The following SNX29 variants were observed in gnomAD, a reference collection of about 807,000 sequenced individuals.
SNX29 encodes the protein sorting nexin 29.
A neutral mutation model predicts 102.1 loss-of-function variants in SNX29; 78 were observed. The ratio of observed to expected loss-of-function variants is 0.76; its 90% CI spans 0.64 to 0.92. The LOEUF is 0.92. Ranked by LOEUF, SNX29 falls within the 40% of genes least tolerant of loss-of-function variation. The pLI is 0.00. For missense variants in SNX29, 1,280 were observed against 1,061.7 expected (o/e 1.21, Z -2.86); for synonymous variants, 580 against 414.5 (o/e 1.40, Z -4.85).
intron 20 of SNX29, among the ~76,000 whole-genome samples, chr16:12,548,887 C>G (rs374549352): frequency 1.3e-5 from 2 of 152,232 alleles, no homozygotes; most frequent in Non-Finnish European, 2.9e-5. Context: ...GAACCCTACA[C>G]ATAGCAGCAC....
At chr16:12,525,703 C>CT (rs1191051878) in intron 20 of SNX29, among the ~76,000 whole-genome samples, 1 of 127,926 alleles carries the variant, frequency 7.8e-6, no homozygotes, top group Non-Finnish European at 1.7e-5. Context: ...CCCCCACCCC[C>CT]CCCCCCAAAA....
chr16:12,566,026 C>T (rs1402891191), intron 20 of SNX29, among the ~76,000 whole-genome samples: 3 of 152,222 alleles, frequency 2.0e-5, no homozygotes, highest in African/African-American at 7.2e-5. Context: ...ATGGTGGTGA[C>T]ACAGGTCATG....
Position 12,098,010 on chromosome 16 carries a change from G to A in SNX29, c.1402+19095G>A, listed in dbSNP as rs1272058404. On this transcript the variant is annotated intron_variant, in intron 11 of 20. Transcript: ENST00000566228. The surrounding 1 kb of genome is among the most constrained non-coding windows in gnomAD (Gnocchi z 6.0). ...CTGCAGTCCCACATGAAGGGCTCAC[G>A]TCCTGGCTTTGCCATTTACTTTGTC... Among the ~76,000 whole-genome samples, 3 of 152,244 alleles carry A rather than the reference G, an allele frequency of 2.0e-5. No homozygotes were observed. Among genetic ancestry groups the A allele is most frequent in the African/African-American group, 4.8e-5 (2 of 41,470 alleles).
chr16:12,410,810 T>G (rs1358374051), intron 18 of SNX29, among the ~76,000 whole-genome samples: 1 of 152,210 alleles, frequency 6.6e-6, no homozygotes, highest in Non-Finnish European at 1.5e-5. Context: ...TATTTTTATA[T>G]TAATAATAGA....
At chr16:12,529,199 A>G (rs115777388) in intron 20 of SNX29, among the ~76,000 whole-genome samples, 65 of 152,140 alleles carry the variant, frequency 4.3e-4, no homozygotes, top group African/African-American at 1.5e-3. Flanking sequence ...TTTCTTTTCT[A>G]TTTTGAACTC....
intron 12 of SNX29, 64 bp from the exon 13 acceptor site, chr16:12,129,566 G>A (rs1336718170): frequency 1.3e-6 from 2 of 1,528,378 alleles, no homozygotes; most frequent in African/African-American, 1.4e-5. Flanking sequence ...GTTAGGAACT[G>A]TGTCCTGGGC....
At chr16:12,529,358 G>A (rs777118055) in intron 20 of SNX29, among the ~76,000 whole-genome samples, 3 of 152,162 alleles carry the variant, frequency 2.0e-5, no homozygotes, top group Non-Finnish European at 2.9e-5. Context: ...ACTAAGAGAC[G>A]TGACACTTTG....
At chr16:12,325,778 A>G (rs2081094841) in intron 15 of SNX29, among the ~76,000 whole-genome samples, 1 of 152,066 alleles carries the variant, frequency 6.6e-6, no homozygotes, top group African/African-American at 2.4e-5. Context: ...TGTGATCCCA[A>G]TGTTTTGAGG....
At chr16:12,331,499 C>T (rs1388418104) in intron 15 of SNX29, among the ~76,000 whole-genome samples, 1 of 152,168 alleles carries the variant, frequency 6.6e-6, no homozygotes, top group African/African-American at 2.4e-5. Flanking sequence ...TCCTTAATGT[C>T]TCTGAGCCTC....
At chr16:12,416,345 T>A (rs1033614353) in intron 18 of SNX29, among the ~76,000 whole-genome samples, 1 of 152,208 alleles carries the variant, frequency 6.6e-6, no homozygotes, top group Non-Finnish European at 1.5e-5. Context: ...GAAGAAGTTC[T>A]GGTGATCTGT....
At chr16:12,215,278 G>A (rs1040886443) in intron 14 of SNX29, among the ~76,000 whole-genome samples, 3 of 150,470 alleles carry the variant, frequency 2.0e-5, no homozygotes, top group Admixed American at 2.0e-4. Context: ...GAGGAGGGTT[G>A]CTTAAGGCCA....
At chr16:12,389,592 G>A (rs1267961377) in intron 16 of SNX29, among the ~76,000 whole-genome samples, 2 of 152,062 alleles carry the variant, frequency 1.3e-5, no homozygotes, top group African/African-American at 4.8e-5. Context: ...TTAGCAGTGT[G>A]AGAACAGATT....
intron 13 of SNX29, among the ~76,000 whole-genome samples, chr16:12,131,956 C>T (rs758785398): frequency 2.6e-5 from 4 of 152,134 alleles, no homozygotes; most frequent in Admixed American, 6.5e-5. Flanking sequence ...GTGCCTAGTT[C>T]GGCATTTTCT....
At chr16:12,392,388 G>A (rs909144839) in intron 16 of SNX29, among the ~76,000 whole-genome samples, 3 of 152,158 alleles carry the variant, frequency 2.0e-5, no homozygotes, top group Admixed American at 6.5e-5. Context: ...CATTCTTAGT[G>A]AAGTAGTAAG....
intron 18 of SNX29, among the ~76,000 whole-genome samples, chr16:12,468,057 G>T (rs2087145652): frequency 6.6e-6 from 1 of 151,622 alleles, no homozygotes; most frequent in East Asian, 1.9e-4. Flanking sequence ...TGCCCCAGCT[G>T]CCCCAGCCTC....
chr16:12,507,014 C>A (rs543940636), intron 19 of SNX29, among the ~76,000 whole-genome samples: 3 of 152,324 alleles, frequency 2.0e-5, no homozygotes, highest in African/African-American at 7.2e-5. Flanking sequence ...AATTATTGTA[C>A]TGAACCTGTA....
chr16:12,419,284 G>T (rs2084774053), intron 18 of SNX29, among the ~76,000 whole-genome samples: 1 of 152,102 alleles, frequency 6.6e-6, no homozygotes, highest in African/African-American at 2.4e-5. Flanking sequence ...TCCTCTCAAT[G>T]CAGCCATCTC....
At chr16:12,102,142 G>A (rs557495340) in intron 11 of SNX29, among the ~76,000 whole-genome samples, 22 of 152,102 alleles carry the variant, frequency 1.4e-4, no homozygotes, top group South Asian at 4.1e-4. Flanking sequence ...TATATGTGCC[G>A]CATTTTCTTT....
intron 14 of SNX29, among the ~76,000 whole-genome samples, chr16:12,223,050 C>T (rs557661449): frequency 8.7e-4 from 132 of 152,318 alleles, no homozygotes; most frequent in African/African-American, 3.0e-3. Context: ...TGGCTCTTGT[C>T]TCCTTTTGAC....
Sources: allele counts gnomAD v4.1 joint callset (sites outside exome capture counted in the v4.1 genomes callset), GRCh38; gene constraint gnomAD v4.1.1; non-coding constraint Gnocchi (gnomAD v3.1); transcripts MANE v1.5; gene names NCBI Gene and HGNC (gene_info 2026-07-23, HGNC 2026-07-21).